Variants in BCAS3 observed in about 807,000 individuals in gnomAD.
BCAS3 encodes the protein BCAS3 microtubule associated cell migration factor, also known as BCAS4/BCAS3 fusion.
In BCAS3, 53 loss-of-function variants were observed where a neutral mutation model predicts 116.1. The observed-to-expected ratio is 0.46, with a 90% CI of 0.37 to 0.57. The LOEUF (loss-of-function observed/expected upper bound fraction) is 0.57. Ranked by LOEUF, BCAS3 falls within the 20% of genes least tolerant of loss-of-function variation. BCAS3 has a pLI of 0.00. For synonymous variants in BCAS3, 391 were observed against 408.2 expected (o/e 0.96, Z 0.51); for missense variants, 917 against 1,165.4 (o/e 0.79, Z 3.10).
intron 22 of BCAS3, among the ~76,000 whole-genome samples, chr17:61,240,070 C>T (rs1197097922): frequency 6.6e-6 from 1 of 152,090 alleles, no homozygotes; most frequent in Non-Finnish European, 1.5e-5. Context: ...AGAAAAGCAT[C>T]TTGTAGATGT....
At chr17:61,329,340 A>ATTTTTTTTTTTTTTT (rs199612323) in intron 22 of BCAS3, among the ~76,000 whole-genome samples, 2 of 109,414 alleles carry the variant, frequency 1.8e-5, no homozygotes, top group African/African-American at 6.0e-5. Flanking sequence ...TATTATTATT[A>ATTTTTTTTTTTTTTT]TTATTTTTTT....
intron 22 of BCAS3, among the ~76,000 whole-genome samples, chr17:61,269,906 C>A (rs1247234135): frequency 1.3e-5 from 2 of 151,228 alleles, no homozygotes; most frequent in Non-Finnish European, 2.9e-5. Flanking sequence ...CGGGTTCAAA[C>A]GATTCTTGTG....
intron 19 of BCAS3, among the ~76,000 whole-genome samples, chr17:61,066,893 G>A (rs1358545170): frequency 6.6e-6 from 1 of 151,940 alleles, no homozygotes; most frequent in Non-Finnish European, 1.5e-5. Context: ...CTAGATATTT[G>A]AAGAAACTTA....
intron 6 of BCAS3, among the ~76,000 whole-genome samples, chr17:60,748,061 T>C (rs1026775990): frequency 6.6e-5 from 10 of 152,130 alleles, no homozygotes; most frequent in Non-Finnish European, 1.5e-4. Context: ...TAATCATGTT[T>C]GGATACTTTA....
intron 22 of BCAS3, among the ~76,000 whole-genome samples, chr17:61,103,203 A>C (rs1447140202): frequency 1.3e-5 from 2 of 152,164 alleles, no homozygotes; most frequent in Admixed American, 6.5e-5. Flanking sequence ...CTGGTATAAC[A>C]GTGTATCTCC....
intron 6 of BCAS3, among the ~76,000 whole-genome samples, chr17:60,784,585 G>C (rs1419406238): frequency 1.3e-5 from 2 of 148,616 alleles, no homozygotes; most frequent in South Asian, 2.1e-4. Flanking sequence ...TTACAGGCGT[G>C]AGCCACTGCG....
At chr17:60,721,685 A>G (rs1053209432) in intron 5 of BCAS3, among the ~76,000 whole-genome samples, 4 of 152,040 alleles carry the variant, frequency 2.6e-5, no homozygotes, top group East Asian at 1.9e-4. Context: ...GTGGAATGCA[A>G]TTTTTTTCTG....
chr17:60,695,827 G>A (rs2035520909), intron 4 of BCAS3, among the ~76,000 whole-genome samples: 1 of 151,958 alleles, frequency 6.6e-6, no homozygotes, highest in Non-Finnish European at 1.5e-5. Flanking sequence ...TTGAACTACT[G>A]GCCTCAAGGA....
chr17:61,284,645 G>GTTTTTTTTTTTCCTCTACTCT (rs2051567872), intron 22 of BCAS3, among the ~76,000 whole-genome samples: 1 of 145,064 alleles, frequency 6.9e-6, no homozygotes, highest in East Asian at 2.0e-4. Flanking sequence ...CCACAACTGC[G>GTTTTTTTTTTTCCTCTACTCT]TTTTTTTTTT....
chr17:61,116,046 T>C (rs971233792), intron 22 of BCAS3, among the ~76,000 whole-genome samples: 1 of 132,090 alleles, frequency 7.6e-6, no homozygotes, highest in African/African-American at 2.8e-5. Context: ...AACAATGAGA[T>C]CACATGGACA....
chr17:61,043,498 A>G (rs2067716125), intron 19 of BCAS3, among the ~76,000 whole-genome samples: 1 of 152,018 alleles, frequency 6.6e-6, no homozygotes, highest in Admixed American at 6.6e-5. Context: ...ATGAGAAAAA[A>G]TAATCGCTCC....
intron 22 of BCAS3, among the ~76,000 whole-genome samples, chr17:61,318,318 A>T (rs1041008776): frequency 4.6e-5 from 7 of 152,184 alleles, no homozygotes; most frequent in Non-Finnish European, 1.0e-4. Context: ...GACTTTTCTC[A>T]GTTGGAAACT....
At chr17:61,048,420 T>C (rs1600765527) in intron 19 of BCAS3, among the ~76,000 whole-genome samples, 1 of 152,028 alleles carries the variant, frequency 6.6e-6, no homozygotes, top group South Asian at 2.1e-4. Flanking sequence ...TTGGAGTTTC[T>C]AGGCTGTGTT....
At chr17:61,271,529 T>C (rs1423211944) in intron 22 of BCAS3, among the ~76,000 whole-genome samples, 1 of 150,134 alleles carries the variant, frequency 6.7e-6, no homozygotes, top group Non-Finnish European at 1.5e-5. Context: ...GTTCAAGTGA[T>C]TCTCCTGCCT....
chr17:61,232,199 C>T (rs2082724232), intron 22 of BCAS3, among the ~76,000 whole-genome samples: 2 of 32,342 alleles, frequency 6.2e-5, no homozygotes, highest in Non-Finnish European at 1.6e-4. Flanking sequence ...TGAAAGACTC[C>T]GAAAAAAAAA....
intron 13 of BCAS3, among the ~76,000 whole-genome samples, chr17:60,932,583 A>T (rs2059706509): frequency 6.6e-6 from 1 of 151,792 alleles, no homozygotes; most frequent in Non-Finnish European, 1.5e-5. Context: ...CTACTAAAAA[A>T]TACAAAAAAT....
rs566624320 is a variant in BCAS3, at chr17:61,188,166, C to T, written c.2425+103602C>T. ...TTCAGGGATGTCTTCACCCCTAAAA[C>T]AATCTCTCCTTGCTATTCTCGCTAT... On this transcript the variant is annotated intron_variant, in intron 22 of 23. Coordinates refer to ENST00000407086, the MANE Select transcript of BCAS3 (RefSeq NM_017679.5). The surrounding 1 kb of genome is among the most constrained non-coding windows in gnomAD (Gnocchi z 4.0). 9.2e-5 allele frequency among the ~76,000 whole-genome samples: 14 copies of T among 152,324 alleles called. No individual in the cohort carries two copies. The highest frequency in any genetic ancestry group is 1.8e-4 in the Non-Finnish European group (12 of 68,022).
At chr17:60,842,926 C>T (rs369399008) in intron 7 of BCAS3, among the ~76,000 whole-genome samples, 3 of 150,788 alleles carry the variant, frequency 2.0e-5, no homozygotes, top group African/African-American at 7.3e-5. Context: ...GACTAGAGTG[C>T]AGTGGCCCAA....
intron 11 of BCAS3, among the ~76,000 whole-genome samples, chr17:60,905,131 A>C (rs1194692419): frequency 6.6e-6 from 1 of 152,236 alleles, no homozygotes; most frequent in Non-Finnish European, 1.5e-5. Flanking sequence ...ATATTGTGTC[A>C]CAGTCCATTT....
Sources: gnomAD v4.1 joint callset for allele counts (sites outside exome capture counted in the v4.1 genomes callset) on GRCh38, gnomAD v4.1.1 for gene constraint, Gnocchi (gnomAD v3.1) non-coding constraint, MANE v1.5 for transcripts, NCBI Gene and HGNC (gene_info 2026-07-23, HGNC 2026-07-21) for gene names.